Variants in SHCBP1 observed in about 807,000 individuals in gnomAD.
The protein encoded by SHCBP1 is SHC binding and spindle associated 1, also known as SHC SH2 domain-binding protein 1.
A neutral mutation model predicts 75.1 loss-of-function variants in SHCBP1; 60 were observed. The ratio of observed to expected loss-of-function variants is 0.80; its 90% CI spans 0.65 to 0.99. SHCBP1 has a LOEUF of 0.99. Among genes scored for constraint, SHCBP1 ranks in the 50% least tolerant of loss-of-function variants. The pLI, the probability that SHCBP1 is intolerant of heterozygous loss-of-function variation, is 0.00. For synonymous variants in SHCBP1, 290 were observed against 293.2 expected (o/e 0.99, Z 0.11); for missense variants, 709 against 809.4 (o/e 0.88, Z 1.50).
intron 10 of SHCBP1, among the ~76,000 whole-genome samples, chr16:46,591,173 G>T (rs1965042455): frequency 6.6e-6 from 1 of 152,118 alleles, no homozygotes; most frequent in South Asian, 2.1e-4. Context: ...GTTGTGGGGT[G>T]AGGGGAGCGG....
intron 4 of SHCBP1, among the ~76,000 whole-genome samples, chr16:46,612,397 A>T (rs1171075918): frequency 1.3e-5 from 2 of 152,156 alleles, no homozygotes; most frequent in Non-Finnish European, 2.9e-5. Flanking sequence ...AAGCACTGAA[A>T]ATGAAACCAG....
intron 10 of SHCBP1, 62 bp downstream of exon 10, chr16:46,595,490 T>G (rs1338077540): frequency 1.6e-5 from 21 of 1,273,962 alleles, no homozygotes; most frequent in East Asian, 2.3e-5. Flanking sequence ...TGGTCCCATA[T>G]TTCATATATT....
chr16:46,597,729 C>T (rs917329679), intron 9 of SHCBP1, among the ~76,000 whole-genome samples: 3 of 152,174 alleles, frequency 2.0e-5, no homozygotes, highest in Non-Finnish European at 4.4e-5. Context: ...CATTGATTGA[C>T]TCTTCCTTTC....
At chr16:46,590,251 C>T (rs190418909) in intron 10 of SHCBP1, among the ~76,000 whole-genome samples, 156 of 152,246 alleles carry the variant, frequency 1.0e-3, no homozygotes, top group Non-Finnish European at 2.0e-3. Context: ...TCAGGACATA[C>T]GCATGGCAGG....
rs1596675739 is a variant in SHCBP1 at position 46,595,415 on chromosome 16, A to G, written c.1464+137T>C. 10 of 745,722 alleles carry G rather than the reference A, an allele frequency of 1.3e-5. No homozygotes were observed. The East Asian group carries it at 2.2e-4, about 17-fold the overall frequency. The allele number at this position is 745,722 out of a possible 1,614,324, so 46.2% of individuals were successfully genotyped here. ...ATGCTACATGAGAAGACCCTTGCACAGTTGAGTTTGACTGACTTGGTAGAG... is the reference window on the plus strand; with the variant it reads ...ATGCTACATGAGAAGACCCTTGCACGGTTGAGTTTGACTGACTTGGTAGAG... On this transcript the variant is annotated intron_variant, in intron 10 of 12. Coordinates refer to ENST00000303383, the MANE Select transcript of SHCBP1 (RefSeq NM_024745.5).
At chr16:46,620,466 T>G (rs1965568623) in intron 1 of SHCBP1, 1 of 152,242 alleles carries the variant, frequency 6.6e-6, no homozygotes, top group Non-Finnish European at 1.5e-5. Flanking sequence ...CCATGCAGTA[T>G]TTATTTTTGC....
intron 10 of SHCBP1, among the ~76,000 whole-genome samples, chr16:46,585,497 T>C (rs1373634276): frequency 6.6e-6 from 1 of 151,972 alleles, no homozygotes; most frequent in Non-Finnish European, 1.5e-5. Context: ...AAGCCAGCAA[T>C]CCAGTACACC....
intron 12 of SHCBP1, among the ~76,000 whole-genome samples, 159 bp from the exon 13 acceptor site, chr16:46,582,213 C>G (rs1004760185): frequency 5.9e-5 from 9 of 152,192 alleles, no homozygotes; most frequent in African/African-American, 2.2e-4. Flanking sequence ...TCTTCCTTTA[C>G]CCTTTTCATC....
intron 10 of SHCBP1, among the ~76,000 whole-genome samples, chr16:46,584,536 G>C (rs544159803): frequency 6.6e-6 from 1 of 152,144 alleles, no homozygotes; most frequent in African/African-American, 2.4e-5. Context: ...ATAGAAACAA[G>C]ACCCCACATT....
intron 12 of SHCBP1, 71 bp from the exon 13 acceptor site, chr16:46,582,125 C>A: frequency 2.8e-6 from 4 of 1,454,460 alleles, no homozygotes; most frequent in East Asian, 2.3e-5. Flanking sequence ...TATTTCTACA[C>A]AGTCTTCTCA....
In SHCBP1 at chr16:46,581,499, A is replaced by T. The variant is rs1219396559; in HGVS notation, c.*230T>A. The stretch of plus-strand genomic sequence containing the variant: ...ATGTGTATAAGAAAGCAAGACTTTC[A>T]GATAAGCAATCTCCAAATATTTTCT... On this transcript the variant is annotated 3_prime_UTR_variant, in exon 13 of 13. Coordinates refer to ENST00000303383, the MANE Select transcript of SHCBP1 (RefSeq NM_024745.5). 1 of 481,858 alleles carries T rather than the reference A, an allele frequency of 2.1e-6. No homozygotes were observed. The highest frequency in any genetic ancestry group is 3.7e-5 in the East Asian group (1 of 27,360). 29.8% of individuals were successfully genotyped at this position (481,858 alleles called of 1,614,324 possible). A position where few individuals can be genotyped will look rare whatever the true frequency, so the allele number is the denominator to read the frequency against.
intron 10 of SHCBP1, 52 bp from the exon 11 acceptor site, chr16:46,584,141 A>G (rs1012902870): frequency 5.4e-6 from 7 of 1,302,026 alleles, no homozygotes; most frequent in East Asian, 5.0e-5. Flanking sequence ...AGGCAAGACT[A>G]TAAGAGTTTA....
chr16:46,590,228 T>A (rs543009708), intron 10 of SHCBP1, among the ~76,000 whole-genome samples: 1 of 152,242 alleles, frequency 6.6e-6, no homozygotes, highest in African/African-American at 2.4e-5. Flanking sequence ...GAAGAAAATC[T>A]AGGCAATACC....
At chr16:46,600,896 G>T (rs55947515) in intron 8 of SHCBP1, among the ~76,000 whole-genome samples, 6,450 of 152,016 alleles carry the variant, frequency 0.042, 195 homozygotes, top group Middle Eastern at 0.13. Context: ...TGTAATCCCA[G>T]CTTCTCAGGA....
At chr16:46,602,987 G>A (rs1309834200) in intron 8 of SHCBP1, among the ~76,000 whole-genome samples, 1 of 152,110 alleles carries the variant, frequency 6.6e-6, no homozygotes, top group Non-Finnish European at 1.5e-5. Flanking sequence ...AGTATACTTT[G>A]GTCAAGACAC....
intron 4 of SHCBP1, among the ~76,000 whole-genome samples, chr16:46,610,707 C>A (rs375847358): frequency 4.6e-5 from 7 of 151,190 alleles, no homozygotes; most frequent in African/African-American, 1.5e-4. Context: ...TACAGGCACG[C>A]GCTACCACGC....
At chr16:46,617,367 A>G (rs1965516298) in intron 3 of SHCBP1, among the ~76,000 whole-genome samples, 1 of 152,192 alleles carries the variant, frequency 6.6e-6, no homozygotes, top group Non-Finnish European at 1.5e-5. Context: ...TTTTGAAACC[A>G]TTAACTTCAT....
Position 46,621,298 on chromosome 16 carries a change from A to C in SHCBP1, c.62T>G (p.Met21Arg). ...LEAAAMAPERMGWAVEQELAS... is the reference protein window; with the variant it reads ...LEAAAMAPERRGWAVEQELAS... ...CAGCTCCTGCTCCACCGCCCAGCCC[A>C]TGCGCTCCGGCGCCATGGCCGCTGC... is the stretch of plus-strand genomic sequence containing the variant. The change falls in exon 1 of 13, where the codon ATG (methionine) becomes AGG (arginine). Residue 21 changes from methionine (M) to arginine (R), a missense_variant. By Grantham distance (91) the Met-to-Arg change is moderately conservative. Transcript: ENST00000303383. 1 of 1,610,786 alleles carries C rather than the reference A, an allele frequency of 6.2e-7. No homozygotes were observed. The highest frequency in any genetic ancestry group is 8.5e-7 in the Non-Finnish European group (1 of 1,179,098).
rs772681234 is a variant in SHCBP1, at chr16:46,584,039, A to G, written c.1515T>C (p.Asn505=). The change falls in exon 11 of 13, where the codon AAT becomes AAC. Residue 505 remains asparagine, a synonymous_variant. Coordinates refer to ENST00000303383, the MANE Select transcript of SHCBP1 (RefSeq NM_024745.5). The stretch of plus-strand genomic sequence containing the variant: ...TCCCTTCCTTGCAGTGATGGATCCC[A>G]TTGTCACTCAGGGTGCACTGACTCC... ...YPGSQCTLSD[N]GIHHCKEGIL... The G allele has an allele frequency of 1.2e-6, 2 of 1,607,312 alleles. No homozygotes were observed. The highest frequency in any genetic ancestry group is 1.7e-6 in the Non-Finnish European group (2 of 1,176,494).
Sources: allele counts gnomAD v4.1 joint callset (sites outside exome capture counted in the v4.1 genomes callset), GRCh38; gene constraint gnomAD v4.1.1; transcripts MANE v1.5; gene names NCBI Gene and HGNC (gene_info 2026-07-23, HGNC 2026-07-21).